Variants in STARD13 observed in about 807,000 individuals in gnomAD.
STARD13 encodes the protein stAR-related lipid transfer protein 13.
STARD13 carries 62 observed loss-of-function variants against 106.4 expected under a neutral mutation model. That is an observed-to-expected ratio of 0.58 (90% CI 0.48 to 0.72). The LOEUF is 0.72. Among genes scored for constraint, STARD13 ranks in the 30% least tolerant of loss-of-function variants. The probability of loss-of-function intolerance (pLI) is 0.00; values close to 1 mark genes in which losing one functional copy is unlikely to be tolerated. For missense variants in STARD13, 1,387 were observed against 1,424.0 expected, an observed-to-expected ratio of 0.97 and a Z score of 0.42; for synonymous variants, 565 against 553.0, an observed-to-expected ratio of 1.02 and a Z score of -0.31.
chr13:33,581,494 G>A, the STARD13 span, among the ~76,000 whole-genome samples: 2 of 152,096 alleles, frequency 1.3e-5, no homozygotes, highest in African/African-American at 4.8e-5. Flanking sequence ...ATTTGAATTT[G>A]TTAGTCCTCA....
the STARD13 span, among the ~76,000 whole-genome samples, chr13:33,381,902 G>A: frequency 6.6e-6 from 1 of 152,060 alleles, no homozygotes; most frequent in African/African-American, 2.4e-5. Flanking sequence ...ATACATCAAA[G>A]TCAAAATACC....
intron 12 of STARD13, among the ~76,000 whole-genome samples, chr13:33,109,123 T>G (rs1874160676): frequency 6.6e-6 from 1 of 152,214 alleles, no homozygotes; most frequent in South Asian, 2.1e-4. Flanking sequence ...ACTGCTGATC[T>G]GTGACATGAG....
the STARD13 span, among the ~76,000 whole-genome samples, chr13:33,561,852 G>T: frequency 2.7e-5 from 4 of 146,688 alleles, no homozygotes; most frequent in African/African-American, 1.0e-4. Flanking sequence ...TACATAATAT[G>T]ATTAATGTGC....
At chr13:33,392,765 T>C in the STARD13 span, among the ~76,000 whole-genome samples, 3 of 152,220 alleles carry the variant, frequency 2.0e-5, no homozygotes, top group Non-Finnish European at 4.4e-5. Flanking sequence ...AAGAGAAATA[T>C]CTTCTTAATA....
the STARD13 span, among the ~76,000 whole-genome samples, chr13:33,377,493 T>G: frequency 6.6e-6 from 1 of 152,192 alleles, no homozygotes; most frequent in South Asian, 2.1e-4. Flanking sequence ...TTATTCTTAT[T>G]AATTCTATTG....
chr13:33,486,430 TG>T, the STARD13 span, among the ~76,000 whole-genome samples: 1 of 152,168 alleles, frequency 6.6e-6, no homozygotes. Flanking sequence ...ACTTATAAAT[TG>T]GGCACAGTAG....
At chr13:33,238,271 A>G (rs981081793) in intron 1 of STARD13, among the ~76,000 whole-genome samples, 4 of 152,150 alleles carry the variant, frequency 2.6e-5, no homozygotes, top group Non-Finnish European at 5.9e-5. Context: ...CAATGGCAAA[A>G]CCAGATTTCA....
chr13:33,137,304 CAT>C lies in STARD13; in HGVS notation c.387+5004_387+5005del, dbSNP rs549030288. On this transcript the variant is annotated intron_variant, in intron 4 of 13. Transcript: ENST00000336934. Reference sequence around the variant, plus strand: ...AAGTGTTTTCTGTATAGGGCCATATCATAAAAATTTTAGGTGTATGCACCATA... The same window carrying C: ...AAGTGTTTTCTGTATAGGGCCATATCAAAAATTTTAGGTGTATGCACCATA... 1.5e-3 allele frequency among the ~76,000 whole-genome samples: 234 copies of C among 152,324 alleles called. 2 individuals are homozygous for C. The highest frequency in any genetic ancestry group is 4.6e-3 in the Admixed American group (70 of 15,302).
chr13:33,295,918 A>C (rs1430715355), intron 1 of STARD13, among the ~76,000 whole-genome samples: 1 of 152,114 alleles, frequency 6.6e-6, no homozygotes, highest in East Asian at 1.9e-4. Context: ...TAGTATTCAA[A>C]TCACCATGAC....
the STARD13 span, among the ~76,000 whole-genome samples, chr13:33,620,716 T>G: frequency 6.6e-6 from 1 of 150,846 alleles, no homozygotes; most frequent in East Asian, 1.9e-4. Flanking sequence ...TAAATAATAA[T>G]ACATCTAGAA....
At chr13:33,499,594 CTTCTTCTTCTTTCTTCTTCTT>C in the STARD13 span, among the ~76,000 whole-genome samples, 46 of 60,854 alleles carry the variant, frequency 7.6e-4, no homozygotes, top group East Asian at 1.4e-3. Flanking sequence ...TCTTCTTCTT[CTTCTTCTTCTTTCTTCTTCTT>C]CTTCTTCTTC....
the STARD13 span, among the ~76,000 whole-genome samples, chr13:33,617,522 A>G: frequency 6.6e-6 from 1 of 152,226 alleles, no homozygotes; most frequent in Non-Finnish European, 1.5e-5. Flanking sequence ...CCTGTGCTGC[A>G]AAAGAAAATT....
At chr13:33,194,791 T>A (rs1886498300) in intron 1 of STARD13, among the ~76,000 whole-genome samples, 3 of 152,188 alleles carry the variant, frequency 2.0e-5, no homozygotes, top group Admixed American at 2.0e-4. Context: ...CAACTCACTG[T>A]TTTTTTGAAA....
chr13:33,415,370 AAAATAAAT>A, the STARD13 span, among the ~76,000 whole-genome samples: 1 of 152,160 alleles, frequency 6.6e-6, no homozygotes, highest in African/African-American at 2.4e-5. Flanking sequence ...TCCGTCTCAA[AAAATAAAT>A]AAATAAATAA....
chr13:33,497,707 T>C, the STARD13 span, among the ~76,000 whole-genome samples: 1 of 152,186 alleles, frequency 6.6e-6, no homozygotes, highest in African/African-American at 2.4e-5. Context: ...GCTATTACTG[T>C]AGTTTCAACA....
chr13:33,544,268 TACCGTGCCATTTATAAATGTACACAG>T, the STARD13 span, among the ~76,000 whole-genome samples: 1 of 152,226 alleles, frequency 6.6e-6, no homozygotes, highest in African/African-American at 2.4e-5. Flanking sequence ...CTCCCATCCC[TACCGTGCCATTTATAAATGTACACAG>T]TGCTTACATT....
At chr13:33,532,500 A>G in the STARD13 span, among the ~76,000 whole-genome samples, 3 of 152,188 alleles carry the variant, frequency 2.0e-5, no homozygotes, top group Non-Finnish European at 1.5e-5. Context: ...TTTCTTGAAT[A>G]ATAATTTTTA....
At chr13:33,623,131 A>G in the STARD13 span, among the ~76,000 whole-genome samples, 1 of 151,994 alleles carries the variant, frequency 6.6e-6, no homozygotes, top group Non-Finnish European at 1.5e-5. Context: ...AAATAAATTG[A>G]CCAAATGGAT....
At position 33,110,913 on chromosome 13, in the gene STARD13, C is replaced by A. The variant is rs369504211; in HGVS notation, c.2608-6G>T. 10 of 1,611,178 alleles carry A rather than the reference C, an allele frequency of 6.2e-6. No individual in the cohort carries two copies. In the African/African-American group the frequency reaches 1.2e-4, roughly 19 times the overall value. On this transcript the variant is annotated splice_polypyrimidine_tract_variant and splice_region_variant and intron_variant, in intron 10 of 13. Transcript: ENST00000336934. ...GCCACCAACTCGTGTGGAACCTAGA[C>A]CAACGGATGCATGAAAGGGCAACAC...
Sources: gnomAD v4.1 joint callset for allele counts (sites outside exome capture counted in the v4.1 genomes callset) on GRCh38, gnomAD v4.1.1 for gene constraint, MANE v1.5 for transcripts, NCBI Gene and HGNC (gene_info 2026-07-23, HGNC 2026-07-21) for gene names.